ANO3: variants seen among roughly 807,000 people sequenced by gnomAD.
ANO3 encodes anoctamin 3.
Under a neutral mutation model 144.8 loss-of-function variants are expected in ANO3, and 99 were observed. The ratio of observed to expected loss-of-function variants is 0.68; its 90% CI spans 0.58 to 0.81. The LOEUF (loss-of-function observed/expected upper bound fraction) is 0.81, where lower values mean the gene tolerates loss of function less well. Among genes scored for constraint, ANO3 ranks in the 30% least tolerant of loss-of-function variants. The pLI is 0.00. For missense variants in ANO3, 905 were observed against 1,202.2 expected, an observed-to-expected ratio of 0.75 and a Z score of 3.66; for synonymous variants, 414 against 392.6, an observed-to-expected ratio of 1.05 and a Z score of -0.64.
chr11:26,572,318 G>T, intron 14 of ANO3: 3 of 821,590 alleles, frequency 3.7e-6, no homozygotes, highest in Non-Finnish European at 4.4e-6. Context: ...CAACCCTCCA[G>T]TTTTCATAGG....
At chr11:26,304,811 G>A (rs184215468), upstream of ANO3, among the ~76,000 whole-genome samples, 502 of 152,120 alleles carry the variant, frequency 3.3e-3, 1 homozygote, top group Non-Finnish European at 5.6e-3. Flanking sequence ...CATGTATACC[G>A]AAAAGAGAGA....
chr11:26,352,364 ATATTT>A (rs1254893585), intron 1 of ANO3, among the ~76,000 whole-genome samples: 1 of 152,168 alleles, frequency 6.6e-6, no homozygotes, highest in Non-Finnish European at 1.5e-5. Context: ...GATCCTGTCT[ATATTT>A]TATTTTTTTA....
At chr11:26,276,599 G>A (rs369924571) in intron 1 of ANO3, among the ~76,000 whole-genome samples, 4 of 152,104 alleles carry the variant, frequency 2.6e-5, no homozygotes, top group Admixed American at 1.3e-4. Flanking sequence ...CAGCAGATTA[G>A]CCATGATTCT....
intron 4 of ANO3, among the ~76,000 whole-genome samples, chr11:26,504,122 A>C (rs1227588862): frequency 6.6e-6 from 1 of 152,234 alleles, no homozygotes; most frequent in African/African-American, 2.4e-5. Context: ...AGATGCCTGT[A>C]AGCAGTGAGT....
At chr11:26,598,321 A>G in intron 14 of ANO3, 44 bp from the exon 15 acceptor site, 1 of 1,030,292 alleles carries the variant, frequency 9.7e-7, no homozygotes, top group Non-Finnish European at 1.4e-6. Context: ...GAAAAGCAAT[A>G]TGATGTGATT....
intron 14 of ANO3, among the ~76,000 whole-genome samples, chr11:26,569,696 C>T (rs1389331126): frequency 1.3e-5 from 2 of 152,052 alleles, no homozygotes; most frequent in African/African-American, 2.4e-5. Context: ...GTTTTACTTT[C>T]GTGTGTGCTT....
intron 1 of ANO3, among the ~76,000 whole-genome samples, chr11:26,373,700 C>T (rs1034634738): frequency 3.9e-5 from 6 of 152,110 alleles, no homozygotes; most frequent in African/African-American, 1.4e-4. Flanking sequence ...CATAATCACA[C>T]CTGGCTCACA....
intron 1 of ANO3, among the ~76,000 whole-genome samples, chr11:26,415,216 CCA>C (rs1857549329): frequency 6.6e-6 from 1 of 151,858 alleles, no homozygotes; most frequent in South Asian, 2.1e-4. Context: ...TGAAAAAATG[CCA>C]TATATTAGAC....
chr11:26,202,777 C>A (rs1014132041), intron 1 of ANO3, among the ~76,000 whole-genome samples: 1 of 151,968 alleles, frequency 6.6e-6, no homozygotes, highest in Non-Finnish European at 1.5e-5. Context: ...CAGAAATAGT[C>A]AATCATTCCT....
At chr11:26,257,648 T>C (rs1853090760) in intron 1 of ANO3, among the ~76,000 whole-genome samples, 1 of 152,148 alleles carries the variant, frequency 6.6e-6, no homozygotes, top group South Asian at 2.1e-4. Context: ...GGCCCACTGA[T>C]TGATAGATCC....
intron 1 of ANO3, among the ~76,000 whole-genome samples, chr11:26,300,956 C>T (rs1255221545): frequency 1.5e-5 from 2 of 132,732 alleles, no homozygotes. Context: ...TGGGCTCAAG[C>T]GATTCTCCTG....
intron 1 of ANO3, among the ~76,000 whole-genome samples, chr11:26,212,385 G>A (rs773217768): frequency 4.7e-5 from 7 of 149,504 alleles, no homozygotes; most frequent in African/African-American, 7.4e-5. Flanking sequence ...AACAGACTGC[G>A]AGCCAGAATA....
intron 1 of ANO3, among the ~76,000 whole-genome samples, chr11:26,285,489 G>A (rs1381155481): frequency 2.0e-5 from 3 of 152,050 alleles, no homozygotes. Flanking sequence ...TTATAAACAT[G>A]GTCCGTGAAT....
intron 1 of ANO3, among the ~76,000 whole-genome samples, chr11:26,229,576 A>T (rs1352705903): frequency 6.6e-6 from 1 of 152,208 alleles, no homozygotes; most frequent in East Asian, 1.9e-4. Flanking sequence ...CTCAGTGTGC[A>T]TATGCTAGTT....
At chr11:26,533,925 A>G (rs553003879) in intron 8 of ANO3, among the ~76,000 whole-genome samples, 15 of 152,334 alleles carry the variant, frequency 9.8e-5, no homozygotes, top group African/African-American at 7.2e-5. Context: ...CCAGCATACT[A>G]TAAAGTAAAT....
chr11:26,583,003 C>G (rs1382514969), intron 14 of ANO3, among the ~76,000 whole-genome samples: 3 of 152,146 alleles, frequency 2.0e-5, no homozygotes, highest in African/African-American at 4.8e-5. Flanking sequence ...AGTAGTTTAT[C>G]AAGTGTGGAC....
At chr11:26,476,107 A>G (rs1859957509) in intron 4 of ANO3, among the ~76,000 whole-genome samples, 1 of 152,082 alleles carries the variant, frequency 6.6e-6, no homozygotes. Context: ...TCCCCTTAAT[A>G]TCTTCAGTGC....
At chr11:26,366,696 T>C (rs1262959476) in intron 1 of ANO3, among the ~76,000 whole-genome samples, 3 of 151,984 alleles carry the variant, frequency 2.0e-5, no homozygotes, top group Admixed American at 2.0e-4. Context: ...GGTATCTCAT[T>C]GTGGTTTTGA....
intron 22 of ANO3, among the ~76,000 whole-genome samples, chr11:26,642,535 A>G (rs1024748127): frequency 5.4e-5 from 8 of 148,464 alleles, no homozygotes; most frequent in Non-Finnish European, 6.0e-5. Flanking sequence ...ATTTTTTAGT[A>G]GAGATGGAGT....
Sources: allele counts gnomAD v4.1 joint callset (sites outside exome capture counted in the v4.1 genomes callset), GRCh38; gene constraint gnomAD v4.1.1; transcripts MANE v1.5; gene names NCBI Gene and HGNC (gene_info 2026-07-23, HGNC 2026-07-21).